The following DAPK2 variants were observed in gnomAD, a reference collection of about 807,000 sequenced individuals.
DAPK2 encodes the protein death-associated protein kinase 2.
A neutral mutation model predicts 44.1 loss-of-function variants in DAPK2; 35 were observed. The observed-to-expected ratio is 0.79, with a 90% CI of 0.61 to 1.05. The LOEUF is 1.05. DAPK2 is among the 50% of genes least tolerant of loss of function. DAPK2 has a pLI of 0.00. For missense variants in DAPK2, 453 were observed against 483.2 expected (o/e 0.94, Z 0.59); for synonymous variants, 174 against 182.6 (o/e 0.95, Z 0.38).
In DAPK2 at chr15:63,944,927, G is replaced by A. The variant is rs569615557; in HGVS notation, c.454-5566C>T. On this transcript the variant is annotated intron_variant, in intron 3 of 10. Coordinates refer to ENST00000261891, the Ensembl canonical transcript of DAPK2. The stretch of plus-strand genomic sequence containing the variant: ...AGGGTGGGCACTACCACTCCACAAC[G>A]ACATCTCAACTCCATCCTTTGCTCT... 1.1e-4 allele frequency among the ~76,000 whole-genome samples: 17 copies of A among 152,154 alleles called. No homozygotes were observed. The East Asian group carries it at 1.7e-3, about 16-fold the overall frequency.
chr15:64,000,133 G>A (rs1293424832), intron 1 of DAPK2, among the ~76,000 whole-genome samples: 1 of 151,642 alleles, frequency 6.6e-6, no homozygotes, highest in African/African-American at 2.4e-5. Flanking sequence ...CTTTGCTTTG[G>A]ATGAAAGGGG....
At position 64,040,079 on chromosome 15, in the gene DAPK2, C is replaced by T. The variant is rs2080312512; in HGVS notation, c.92+91G>A. The T allele has an allele frequency of 3.0e-6, 3 of 992,828 alleles. 1 individual carries two copies. The highest frequency in any genetic ancestry group is 1.6e-6 in the Non-Finnish European group (1 of 621,336). 61.5% of individuals were successfully genotyped at this position (992,828 alleles called of 1,614,324 possible). On this transcript the variant is annotated intron_variant, in intron 1 of 10. Coordinates refer to ENST00000261891, the Ensembl canonical transcript of DAPK2. ...TTAAAGCTTCCCACTGGTCCTGTGGCCCTGCCTTCCAACACCAACTGACAA... is the reference window on the plus strand; with the variant it reads ...TTAAAGCTTCCCACTGGTCCTGTGGTCCTGCCTTCCAACACCAACTGACAA...
chr15:63,929,329 G>A (rs571923645), intron 6 of DAPK2, among the ~76,000 whole-genome samples: 1 of 152,206 alleles, frequency 6.6e-6, no homozygotes, highest in East Asian at 1.9e-4. Context: ...AGAGTGGAGA[G>A]CCTGAGGCTG....
chr15:63,980,935 C>T lies in DAPK2; in HGVS notation c.314+2598G>A, dbSNP rs1223342233. ...AGAAACCCCATCTCTACTAAAAATA[C>T]AAAAATTAGCTGGGTGTGGTGGTGG... On this transcript the variant is annotated intron_variant, in intron 2 of 10. Coordinates refer to ENST00000261891, the Ensembl canonical transcript of DAPK2. This position sits in a 1 kb window ranked among gnomAD's most constrained non-coding sequence, Gnocchi z 4.3. 6.6e-6 allele frequency among the ~76,000 whole-genome samples: 1 copy of T among 152,042 alleles called. No individual in the cohort carries two copies. Among genetic ancestry groups the T allele is most frequent in the African/African-American group, 2.4e-5 (1 of 41,376 alleles).
chr15:64,044,424 AC>A (rs375313117), upstream of DAPK2, among the ~76,000 whole-genome samples: 702 of 152,314 alleles, frequency 4.6e-3, 6 homozygotes, highest in African/African-American at 0.016. Context: ...CGTTATCCAT[AC>A]TATATGTTGG....
intron 3 of DAPK2, among the ~76,000 whole-genome samples, chr15:63,971,002 G>A (rs1431642126): frequency 6.6e-6 from 1 of 152,174 alleles, no homozygotes; most frequent in African/African-American, 2.4e-5. Context: ...AAGGGATGAT[G>A]GAGGCTGCAC....
At chr15:63,925,687 C>A (rs1216958265) in intron 7 of DAPK2, among the ~76,000 whole-genome samples, 5 of 140,930 alleles carry the variant, frequency 3.5e-5, no homozygotes, top group Non-Finnish European at 7.4e-5. Context: ...CGCACACACA[C>A]ACACACACAC....
intron 1 of DAPK2, among the ~76,000 whole-genome samples, chr15:64,006,103 T>C (rs553767958): frequency 7.4e-5 from 11 of 149,458 alleles, no homozygotes; most frequent in Non-Finnish European, 1.5e-4. Flanking sequence ...CAGCTCAGCA[T>C]GGTTCTCCCT....
intron 1 of DAPK2, among the ~76,000 whole-genome samples, chr15:64,010,983 C>T (rs1312996153): frequency 6.6e-6 from 1 of 152,190 alleles, no homozygotes. Context: ...ATTCTGTGGT[C>T]TCCTGTCTGG....
chr15:63,967,106 G>A (rs2078075498), intron 3 of DAPK2, among the ~76,000 whole-genome samples: 1 of 152,118 alleles, frequency 6.6e-6, no homozygotes, highest in Admixed American at 6.5e-5. Flanking sequence ...CGTGAACCTG[G>A]TAGGTGGAGT....
intron 1 of DAPK2, among the ~76,000 whole-genome samples, chr15:63,984,414 G>A (rs899987369): frequency 2.6e-5 from 4 of 152,120 alleles, no homozygotes; most frequent in Non-Finnish European, 5.9e-5. Context: ...CCCAGGGCTG[G>A]GCTCAGAAAC....
At chr15:63,943,289 A>C (rs2077364864) in intron 3 of DAPK2, among the ~76,000 whole-genome samples, 1 of 152,022 alleles carries the variant, frequency 6.6e-6, no homozygotes, top group Non-Finnish European at 1.5e-5. Flanking sequence ...TTAGCCCAGC[A>C]TGGTGGCACA....
upstream of DAPK2, among the ~76,000 whole-genome samples, chr15:64,041,248 C>T (rs898552): frequency 0.54 from 81,329 of 151,512 alleles, 22,850 homozygotes; most frequent in East Asian, 0.77. Flanking sequence ...GCCTGAGGTG[C>T]TAGTTCCAGC....
At chr15:63,969,553 A>C (rs554084969) in intron 3 of DAPK2, among the ~76,000 whole-genome samples, 134 of 152,226 alleles carry the variant, frequency 8.8e-4, no homozygotes, top group Admixed American at 1.6e-3. Flanking sequence ...CAGCCTGGGC[A>C]AACATGGCAA....
At chr15:63,931,614 G>A (rs1298191556) in intron 4 of DAPK2, among the ~76,000 whole-genome samples, 5 of 152,166 alleles carry the variant, frequency 3.3e-5, no homozygotes, top group African/African-American at 9.7e-5. Flanking sequence ...TGAGCTTGAG[G>A]TGCCTGAGGG....
chr15:63,939,118 C>A lies in DAPK2; in HGVS notation c.583+114G>T. ...CACCCATTAGGTTTCTAGAGATGTCCCAATGCATCATCTCTTTGCTCAGAG... is the reference window on the plus strand; with the variant it reads ...CACCCATTAGGTTTCTAGAGATGTCACAATGCATCATCTCTTTGCTCAGAG... On this transcript the variant is annotated intron_variant, in intron 4 of 10. Transcript: ENST00000261891. This position sits in a 1 kb window ranked among gnomAD's most constrained non-coding sequence, Gnocchi z 4.3. The A allele has an allele frequency of 6.7e-7, 1 of 1,498,640 alleles. No individual in the cohort carries two copies. Among genetic ancestry groups the A allele is most frequent in the Non-Finnish European group, 8.9e-7 (1 of 1,117,892 alleles). 92.8% of individuals were successfully genotyped at this position (1,498,640 alleles called of 1,614,324 possible). A position where few individuals can be genotyped will look rare whatever the true frequency, so the allele number is the denominator to read the frequency against.
At chr15:63,983,824 T>G in intron 1 of DAPK2, 70 bp from the exon 3 acceptor site, 1 of 1,433,708 alleles carries the variant, frequency 7.0e-7, no homozygotes, top group African/African-American at 1.4e-5. Context: ...CACTGTCAGC[T>G]ACCAGGTCAC....
At chr15:63,948,859 C>G (rs921605166) in intron 3 of DAPK2, among the ~76,000 whole-genome samples, 2 of 152,116 alleles carry the variant, frequency 1.3e-5, no homozygotes, top group Admixed American at 6.6e-5. Context: ...GCTTCTGACC[C>G]CTGTAAAACT....
At chr15:63,915,265 C>T (rs913992305) in intron 8 of DAPK2, among the ~76,000 whole-genome samples, 1 of 152,190 alleles carries the variant, frequency 6.6e-6, no homozygotes, top group Admixed American at 6.5e-5. Context: ...GGGCTGACTG[C>T]TTGTTTTTTG....
Sources: gnomAD v4.1 joint callset for allele counts (sites outside exome capture counted in the v4.1 genomes callset) on GRCh38, gnomAD v4.1.1 for gene constraint, Gnocchi (gnomAD v3.1) non-coding constraint, MANE v1.5 for transcripts, NCBI Gene and HGNC (gene_info 2026-07-23, HGNC 2026-07-21) for gene names.